The following MAN2A1 variants were observed in gnomAD, a reference collection of about 807,000 sequenced individuals.
MAN2A1 encodes alpha-mannosidase 2.
A neutral mutation model predicts 142.6 loss-of-function variants in MAN2A1; 76 were observed. That is an observed-to-expected ratio of 0.53 (90% CI 0.44 to 0.65). The LOEUF (loss-of-function observed/expected upper bound fraction) is 0.65, where lower values mean the gene tolerates loss of function less well. MAN2A1 is among the 30% of genes least tolerant of loss of function. The pLI is 0.00. For synonymous variants in MAN2A1, 559 were observed against 473.2 expected, an observed-to-expected ratio of 1.18 and a Z score of -2.35; for missense variants, 1,311 against 1,365.1, an observed-to-expected ratio of 0.96 and a Z score of 0.62.
intron 16 of MAN2A1, among the ~76,000 whole-genome samples, chr5:109,832,488 G>C (rs1011075884): frequency 6.6e-6 from 1 of 152,012 alleles, no homozygotes; most frequent in Non-Finnish European, 1.5e-5. Context: ...CAAGGGGTTG[G>C]GGGTAAGGCC....
intron 16 of MAN2A1, among the ~76,000 whole-genome samples, chr5:109,826,125 C>G (rs11949443): frequency 2.0e-5 from 3 of 151,696 alleles, no homozygotes; most frequent in African/African-American, 7.3e-5. Context: ...AGGCTGGTCT[C>G]GAACTCTTGA....
intron 8 of MAN2A1, among the ~76,000 whole-genome samples, chr5:109,778,951 G>A (rs1367196987): frequency 6.6e-6 from 1 of 152,048 alleles, no homozygotes; most frequent in East Asian, 1.9e-4. Flanking sequence ...AACAATTTTT[G>A]TAATTTTTCT....
chr5:109,728,160 T>C (rs545495009), intron 3 of MAN2A1, among the ~76,000 whole-genome samples: 1 of 152,356 alleles, frequency 6.6e-6, no homozygotes, highest in East Asian at 1.9e-4. Flanking sequence ...GCAAGAGGAA[T>C]AAATAAGTCA....
chr5:109,765,147 T>C (rs1752955791), intron 5 of MAN2A1, among the ~76,000 whole-genome samples: 1 of 152,168 alleles, frequency 6.6e-6, no homozygotes, highest in Non-Finnish European at 1.5e-5. Context: ...AATAATGTCT[T>C]TTATAAAAGC....
chr5:109,821,499 T>C (rs767286859), intron 15 of MAN2A1, among the ~76,000 whole-genome samples: 5 of 152,194 alleles, frequency 3.3e-5, no homozygotes, highest in Non-Finnish European at 7.3e-5. Flanking sequence ...GTGTACTGCT[T>C]ATCTTCCCTC....
chr5:109,809,409 A>G (rs1376757658), intron 12 of MAN2A1, among the ~76,000 whole-genome samples: 1 of 151,994 alleles, frequency 6.6e-6, no homozygotes, highest in Non-Finnish European at 1.5e-5. Flanking sequence ...TTTCTGCCTG[A>G]AGACTTAACG....
At chr5:109,729,317 G>C (rs751176893) in intron 3 of MAN2A1, 25 bp from the exon 4 acceptor site, 3 of 1,526,846 alleles carry the variant, frequency 2.0e-6, no homozygotes, top group Admixed American at 1.9e-5. Context: ...TTAGACCTTT[G>C]TGGTATATTT....
chr5:109,755,671 G>A (rs1320193960), intron 5 of MAN2A1, among the ~76,000 whole-genome samples: 1 of 151,684 alleles, frequency 6.6e-6, no homozygotes, highest in Non-Finnish European at 1.5e-5. Context: ...CTTGTTTAAT[G>A]TATTATTTAT....
chr5:109,792,415 T>C (rs375276596), intron 12 of MAN2A1, among the ~76,000 whole-genome samples: 93 of 152,178 alleles, frequency 6.1e-4, no homozygotes, highest in African/African-American at 2.1e-3. Context: ...CTTACCCTTT[T>C]GTCTTCAATT....
At chr5:109,734,880 G>A (rs1468145616) in intron 4 of MAN2A1, among the ~76,000 whole-genome samples, 4 of 152,128 alleles carry the variant, frequency 2.6e-5, no homozygotes, top group African/African-American at 9.7e-5. Flanking sequence ...GTAGATGTCT[G>A]TTAGGTCCAC....
intron 8 of MAN2A1, among the ~76,000 whole-genome samples, chr5:109,777,472 T>C (rs924903008): frequency 6.6e-6 from 1 of 152,086 alleles, no homozygotes; most frequent in Non-Finnish European, 1.5e-5. Context: ...TCTATCTTTT[T>C]TCATATAAAA....
intron 3 of MAN2A1, among the ~76,000 whole-genome samples, chr5:109,725,889 A>G (rs894799288): frequency 3.3e-5 from 5 of 152,016 alleles, no homozygotes; most frequent in Admixed American, 6.6e-5. Flanking sequence ...TTCCAGCTTT[A>G]TTGGCTTTTT....
At chr5:109,840,392 C>G in intron 16 of MAN2A1, 1 of 382,102 alleles carries the variant, frequency 2.6e-6, no homozygotes, top group Non-Finnish European at 5.2e-6. Flanking sequence ...AGAGAAATTG[C>G]TGGTAATGAT....
intron 4 of MAN2A1, among the ~76,000 whole-genome samples, chr5:109,741,944 T>C (rs1156954959): frequency 4.6e-5 from 7 of 152,232 alleles, no homozygotes; most frequent in African/African-American, 1.7e-4. Context: ...CTATGCTTGT[T>C]TTATTTTGAA....
At chr5:109,863,046 T>G (rs1440249306) in intron 20 of MAN2A1, 3 of 152,228 alleles carry the variant, frequency 2.0e-5, no homozygotes, top group Non-Finnish European at 4.4e-5. Context: ...TATTCATTAT[T>G]CCAAGAGCAA....
At chr5:109,783,036 A>G (rs1037665200) in intron 9 of MAN2A1, among the ~76,000 whole-genome samples, 13 of 152,142 alleles carry the variant, frequency 8.5e-5, no homozygotes, top group Admixed American at 6.6e-5. Flanking sequence ...TCAACCAGTT[A>G]TCTCTTATAC....
intron 4 of MAN2A1, among the ~76,000 whole-genome samples, chr5:109,738,434 A>G (rs773925523): frequency 1.3e-5 from 2 of 151,816 alleles, no homozygotes; most frequent in Non-Finnish European, 2.9e-5. Context: ...TTTTATAATT[A>G]ATATTGTTAT....
In MAN2A1 at chr5:109,755,317, T is replaced by C. The variant is rs1752659888; in HGVS notation, c.708-12T>C. On this transcript the variant is annotated splice_polypyrimidine_tract_variant and intron_variant, in intron 4 of 21. Coordinates refer to ENST00000261483, the MANE Select transcript of MAN2A1 (RefSeq NM_002372.4). ...CATTTATTAATGTAGACTCTTGTTA[T>C]TTTCTCTCTAGTTTAATAGAAAATG... 1 of 1,603,432 alleles carries C rather than the reference T, an allele frequency of 6.2e-7. No homozygotes were observed. Among genetic ancestry groups the C allele is most frequent in the African/African-American group, 1.3e-5 (1 of 74,492 alleles).
chr5:109,764,054 G>T lies in MAN2A1; in HGVS notation c.836-3481G>T, dbSNP rs185878196. Reference sequence around the variant, plus strand: ...GACCTCAGGTGATCCACCCACCTCTGCCTCCCAAAGTGCTGGGATTACAGG... The same window carrying T: ...GACCTCAGGTGATCCACCCACCTCTTCCTCCCAAAGTGCTGGGATTACAGG... On this transcript the variant is annotated intron_variant, in intron 5 of 21. Transcript: ENST00000261483. Among the ~76,000 whole-genome samples, 8 of 152,186 alleles carry T rather than the reference G, an allele frequency of 5.3e-5. No individual in the cohort carries two copies. The East Asian group carries it at 1.5e-3, about 29-fold the overall frequency.
Sources: allele counts gnomAD v4.1 joint callset (sites outside exome capture counted in the v4.1 genomes callset), GRCh38; gene constraint gnomAD v4.1.1; transcripts MANE v1.5; gene names NCBI Gene and HGNC (gene_info 2026-07-23, HGNC 2026-07-21).